C12orf54: variants seen among roughly 807,000 people sequenced by gnomAD.
C12orf54 encodes the protein chromosome 12 open reading frame 54, also known as uncharacterized protein C12orf54.
C12orf54 carries 24 observed loss-of-function variants against 26.4 expected under a neutral mutation model. That is an observed-to-expected ratio of 0.91 (90% CI 0.66 to 1.28). C12orf54 has a LOEUF of 1.28. C12orf54 is among the 50% of genes most tolerant of loss of function. The pLI, the probability that C12orf54 is intolerant of heterozygous loss-of-function variation, is 0.00. For synonymous variants in C12orf54, 54 were observed against 47.0 expected (o/e 1.15, Z -0.61); for missense variants, 154 against 150.9 (o/e 1.02, Z -0.11).
the C12orf54 span, chr12:48,417,226 A>T: frequency 6.6e-6 from 1 of 152,274 alleles, no homozygotes; most frequent in Non-Finnish European, 1.5e-5. Flanking sequence ...ATTCTCTATC[A>T]GGGCCAGGAA....
At chr12:48,439,470 T>C in the C12orf54 span, among the ~76,000 whole-genome samples, 11 of 152,214 alleles carry the variant, frequency 7.2e-5, no homozygotes, top group East Asian at 1.9e-3. Flanking sequence ...GCAGCACTAT[T>C]CACAATAGCA....
At chr12:48,484,066 A>C (rs1057232637) in intron 2 of C12orf54, among the ~76,000 whole-genome samples, 4 of 152,142 alleles carry the variant, frequency 2.6e-5, no homozygotes, top group African/African-American at 9.7e-5. Context: ...GTGGTGGTGC[A>C]TGCCTGTAAT....
At chr12:48,415,550 C>T in the C12orf54 span, among the ~76,000 whole-genome samples, 2 of 152,208 alleles carry the variant, frequency 1.3e-5, no homozygotes, top group South Asian at 4.2e-4. Context: ...TTTTGTGATA[C>T]AAAAATTTTA....
chr12:48,492,808 C>A (rs1592204497), intron 6 of C12orf54, 139 bp from the exon 7 acceptor site: 2 of 693,250 alleles, frequency 2.9e-6, no homozygotes, highest in Non-Finnish European at 5.2e-6. Flanking sequence ...CTCTGATGGG[C>A]CTGTTAGGTG....
chr12:48,454,285 G>C, the C12orf54 span, among the ~76,000 whole-genome samples: 44 of 152,040 alleles, frequency 2.9e-4, no homozygotes, highest in African/African-American at 9.6e-4. Context: ...ATTTTTACTA[G>C]AGACAGGGTT....
At chr12:48,460,096 T>C in the C12orf54 span, among the ~76,000 whole-genome samples, 2 of 152,194 alleles carry the variant, frequency 1.3e-5, no homozygotes, top group Non-Finnish European at 2.9e-5. Context: ...AGGAGTTATC[T>C]TCCAGGAGCA....
the C12orf54 span, among the ~76,000 whole-genome samples, chr12:48,434,142 C>T: frequency 2.6e-4 from 40 of 152,332 alleles, no homozygotes; most frequent in African/African-American, 8.9e-4. Context: ...GAGGGTCCTA[C>T]ACCCATGGAG....
At chr12:48,440,986 A>T in the C12orf54 span, among the ~76,000 whole-genome samples, 1 of 152,152 alleles carries the variant, frequency 6.6e-6, no homozygotes, top group South Asian at 2.1e-4. Flanking sequence ...GGTAAAGAAA[A>T]CAGGCATTTG....
intron 7 of C12orf54, among the ~76,000 whole-genome samples, chr12:48,494,211 C>T (rs1364822291): frequency 6.6e-6 from 1 of 151,956 alleles, no homozygotes; most frequent in East Asian, 1.9e-4. Context: ...AAGAGTGAAA[C>T]TCTGTCTCAA....
the C12orf54 span, among the ~76,000 whole-genome samples, chr12:48,469,464 T>G: frequency 7.2e-5 from 11 of 152,332 alleles, no homozygotes; most frequent in East Asian, 1.9e-3. Context: ...CCTTGTTCCC[T>G]GAAAATTGCT....
At chr12:48,418,845 T>A in the C12orf54 span, among the ~76,000 whole-genome samples, 1 of 151,382 alleles carries the variant, frequency 6.6e-6, no homozygotes. Flanking sequence ...TTAAATTTTA[T>A]AAAGTAGAGC....
the C12orf54 span, among the ~76,000 whole-genome samples, chr12:48,437,834 AACTGGC>A: frequency 1.1e-4 from 16 of 152,132 alleles, no homozygotes; most frequent in African/African-American, 3.9e-4. Flanking sequence ...TCCCTTTGAA[AACTGGC>A]ACAAGACAGG....
chr12:48,483,459 T>C (rs1954222619), intron 2 of C12orf54, 98 bp downstream of exon 2: 6 of 1,098,260 alleles, frequency 5.5e-6, no homozygotes, highest in Admixed American at 2.3e-5. Flanking sequence ...TTCATTTGGC[T>C]TCACTTGCTT....
chr12:48,444,767 T>A, the C12orf54 span, among the ~76,000 whole-genome samples: 3 of 152,192 alleles, frequency 2.0e-5, no homozygotes, highest in African/African-American at 7.2e-5. Flanking sequence ...GTCAGCTGAC[T>A]AGATCTTTCC....
chr12:48,451,632 C>A, the C12orf54 span, among the ~76,000 whole-genome samples: 1 of 152,324 alleles, frequency 6.6e-6, no homozygotes. Flanking sequence ...TGATAAGCAA[C>A]TTCAGCAAAG....
At chr12:48,438,569 G>A in the C12orf54 span, among the ~76,000 whole-genome samples, 3 of 152,210 alleles carry the variant, frequency 2.0e-5, no homozygotes, top group Non-Finnish European at 1.5e-5. Context: ...ATAGACCAAT[G>A]TAACAGAACA....
chr12:48,454,011 G>A, the C12orf54 span, among the ~76,000 whole-genome samples: 2 of 150,682 alleles, frequency 1.3e-5, no homozygotes, highest in African/African-American at 4.9e-5. Flanking sequence ...GGGAACTCCT[G>A]TTATTGTTGA....
chr12:48,467,960 C>T, the C12orf54 span, among the ~76,000 whole-genome samples: 9 of 152,192 alleles, frequency 5.9e-5, no homozygotes, highest in East Asian at 1.9e-4. Context: ...GATAATAATG[C>T]GATGGCTTCC....
the C12orf54 span, among the ~76,000 whole-genome samples, chr12:48,467,224 C>T: frequency 3.9e-5 from 6 of 152,046 alleles, no homozygotes; most frequent in African/African-American, 4.8e-5. Flanking sequence ...TACAAACAAA[C>T]GAACTACACA....
Sources: gnomAD v4.1 joint callset for allele counts (sites outside exome capture counted in the v4.1 genomes callset) on GRCh38, gnomAD v4.1.1 for gene constraint, MANE v1.5 for transcripts, NCBI Gene and HGNC (gene_info 2026-07-23, HGNC 2026-07-21) for gene names.